Variants in DPRX observed in about 807,000 individuals in gnomAD.
DPRX encodes divergent-paired related homeobox.
Under a neutral mutation model 8.4 loss-of-function variants are expected in DPRX, and 11 were observed. That is an observed-to-expected ratio of 1.31 (90% CI 0.82 to 2.17). The LOEUF (loss-of-function observed/expected upper bound fraction) is 2.17. Among genes scored for constraint, DPRX ranks in the 30% most tolerant of loss-of-function variants. DPRX has a pLI of 0.00. For missense variants in DPRX, 211 were observed against 236.7 expected (o/e 0.89, Z 0.71); for synonymous variants, 72 against 87.0 (o/e 0.83, Z 0.96).
the DPRX span, among the ~76,000 whole-genome samples, chr19:53,625,958 T>A: frequency 6.6e-6 from 1 of 151,072 alleles, no homozygotes; most frequent in African/African-American, 2.4e-5. Flanking sequence ...TTTGTGTGTG[T>A]CAGGGTCTCA....
chr19:53,608,181 A>AG, the DPRX span: 6 of 149,612 alleles, frequency 4.0e-5, no homozygotes, highest in Non-Finnish European at 5.9e-5. Context: ...AAAAAAAAAA[A>AG]GTAAATAAAT....
chr19:53,613,545 G>T, the DPRX span, among the ~76,000 whole-genome samples: 1 of 148,952 alleles, frequency 6.7e-6, no homozygotes, highest in Non-Finnish European at 1.5e-5. Flanking sequence ...TTTTAGTAGA[G>T]ACGGGGGTTT....
chr19:53,628,191 T>C (rs2122152117), upstream of DPRX, among the ~76,000 whole-genome samples: 1 of 151,972 alleles, frequency 6.6e-6, no homozygotes, highest in Admixed American at 6.6e-5. Flanking sequence ...ATAATCCCAG[T>C]GATTTGGGAG....
At chr19:53,624,437 C>T in the DPRX span, among the ~76,000 whole-genome samples, 3 of 151,392 alleles carry the variant, frequency 2.0e-5, no homozygotes, top group African/African-American at 7.3e-5. Context: ...GAGTCTCACT[C>T]TGTCGCCCAG....
the DPRX span, among the ~76,000 whole-genome samples, chr19:53,607,888 A>G: frequency 1.0e-4 from 15 of 149,692 alleles, no homozygotes; most frequent in East Asian, 1.2e-3. Flanking sequence ...AAATAAAAAA[A>G]CAGGCCAGGC....
At chr19:53,622,351 G>A in the DPRX span, among the ~76,000 whole-genome samples, 1 of 152,130 alleles carries the variant, frequency 6.6e-6, no homozygotes, top group Non-Finnish European at 1.5e-5. Context: ...GAGAGAGAGA[G>A]AGGGGCTGGG....
At chr19:53,616,566 C>G in the DPRX span, among the ~76,000 whole-genome samples, 1 of 152,084 alleles carries the variant, frequency 6.6e-6, no homozygotes, top group African/African-American at 2.4e-5. Flanking sequence ...ACCAGCCTAA[C>G]CAACATGGCA....
intron 2 of DPRX, 118 bp from the exon 3 acceptor site, chr19:53,636,475 AAAG>A (rs988442714): frequency 1.5e-5 from 13 of 869,700 alleles, no homozygotes; most frequent in Admixed American, 1.2e-4. Context: ...AGGTTAAAAA[AAAG>A]AATATAAATA....
the DPRX span, among the ~76,000 whole-genome samples, chr19:53,626,619 G>A: frequency 6.6e-5 from 10 of 152,292 alleles, no homozygotes; most frequent in Admixed American, 5.9e-4. Context: ...GTGATATTCT[G>A]GGAGTGGTGG....
the DPRX span, among the ~76,000 whole-genome samples, chr19:53,618,052 G>T: frequency 2.6e-5 from 4 of 151,476 alleles, no homozygotes; most frequent in Admixed American, 1.3e-4. Flanking sequence ...TGAGGCAGGA[G>T]AATCACGTGA....
the DPRX span, among the ~76,000 whole-genome samples, chr19:53,610,935 CTCTG>C: frequency 1.3e-5 from 2 of 152,166 alleles, no homozygotes; most frequent in Admixed American, 6.6e-5. Flanking sequence ...TGGAGTCTCG[CTCTG>C]TCTCCCAGGC....
At chr19:53,633,771 G>A (rs987897454) in intron 1 of DPRX, among the ~76,000 whole-genome samples, 1 of 152,088 alleles carries the variant, frequency 6.6e-6, no homozygotes, top group Non-Finnish European at 1.5e-5. Context: ...GCCTCCCAAA[G>A]TGCTGGGATT....
the DPRX span, among the ~76,000 whole-genome samples, chr19:53,608,911 C>T: frequency 1.5e-5 from 2 of 136,194 alleles, no homozygotes; most frequent in Admixed American, 8.0e-5. Context: ...GCCAAGATCG[C>T]GCCACTGCAC....
chr19:53,603,332 G>A, the DPRX span: 1,615 of 455,918 alleles, frequency 3.5e-3, 22 homozygotes, highest in African/African-American at 0.03. Context: ...AACACCCCGC[G>A]GAGAAACGCC....
chr19:53,608,630 T>A, the DPRX span, among the ~76,000 whole-genome samples: 7 of 152,276 alleles, frequency 4.6e-5, no homozygotes, highest in South Asian at 1.4e-3. Context: ...GTGGATGTAC[T>A]AAATGCCACT....
chr19:53,617,195 A>C, the DPRX span: 1 of 943,008 alleles, frequency 1.1e-6, no homozygotes. Flanking sequence ...TGTCCTATTG[A>C]GTTTTTTTCA....
chr19:53,627,124 C>T (rs1301068996), upstream of DPRX, among the ~76,000 whole-genome samples: 6 of 152,130 alleles, frequency 3.9e-5, no homozygotes, highest in Non-Finnish European at 5.9e-5. Context: ...TACAAATCCT[C>T]GTACTTAGAC....
At chr19:53,607,572 G>A in the DPRX span, among the ~76,000 whole-genome samples, 1 of 151,688 alleles carries the variant, frequency 6.6e-6, no homozygotes, top group South Asian at 2.1e-4. Flanking sequence ...TTTAGGCTGG[G>A]AGCAGTGAGT....
chr19:53,613,996 G>T, the DPRX span, among the ~76,000 whole-genome samples: 1 of 151,184 alleles, frequency 6.6e-6, no homozygotes, highest in Non-Finnish European at 1.5e-5. Flanking sequence ...CTGTTGCCCA[G>T]GCTGGAGTGC....
Sources: gnomAD v4.1 joint callset for allele counts (sites outside exome capture counted in the v4.1 genomes callset) on GRCh38, gnomAD v4.1.1 for gene constraint, MANE v1.5 for transcripts, NCBI Gene and HGNC (gene_info 2026-07-23, HGNC 2026-07-21) for gene names.